Variants in RAB37 observed in about 807,000 individuals in gnomAD.
RAB37 encodes RAB37, member RAS oncogene family, also known as ras-related protein Rab-37.
Under a neutral mutation model 33.1 loss-of-function variants are expected in RAB37, and 29 were observed. The observed-to-expected ratio is 0.88, with a 90% CI of 0.65 to 1.20. The LOEUF (loss-of-function observed/expected upper bound fraction) is 1.20. Ranked by LOEUF, RAB37 falls within the 50% of genes most tolerant of loss-of-function variation. The pLI is 0.00. For synonymous variants in RAB37, 128 were observed against 119.5 expected (o/e 1.07, Z -0.47); for missense variants, 299 against 301.1 (o/e 0.99, Z 0.05).
At chr17:74,724,338 C>T (rs2034278803) in intron 1 of RAB37, among the ~76,000 whole-genome samples, 2 of 152,166 alleles carry the variant, frequency 1.3e-5, no homozygotes, top group African/African-American at 4.8e-5. Context: ...TTTGAGTTTC[C>T]AATGAGCCTT....
At chr17:74,710,966 G>A (rs1295967576) in intron 1 of RAB37, among the ~76,000 whole-genome samples, 1 of 152,094 alleles carries the variant, frequency 6.6e-6, no homozygotes, top group Non-Finnish European at 1.5e-5. Context: ...CTTGAGCCCA[G>A]GAGTTGAGGC....
chr17:74,727,562 G>A (rs1453351084), intron 1 of RAB37, among the ~76,000 whole-genome samples: 1 of 152,234 alleles, frequency 6.6e-6, no homozygotes, highest in Non-Finnish European at 1.5e-5. Context: ...TCCCTGCTGT[G>A]CTCCGCCTTT....
chr17:74,737,465 C>G (rs1353980945), intron 1 of RAB37, 100 bp downstream of exon 1: 2 of 1,309,980 alleles, frequency 1.5e-6, no homozygotes, highest in Non-Finnish European at 1.0e-6. Flanking sequence ...GCAGCTGCGT[C>G]TCCCAGAGGA....
intron 1 of RAB37, among the ~76,000 whole-genome samples, chr17:74,696,898 G>A (rs979473274): frequency 5.0e-5 from 7 of 141,094 alleles, no homozygotes; most frequent in South Asian, 2.3e-4. Context: ...AGTAGGGACC[G>A]ATTTTGTTTG....
At chr17:74,690,342 A>T (rs557734877) in intron 1 of RAB37, among the ~76,000 whole-genome samples, 36 of 152,296 alleles carry the variant, frequency 2.4e-4, no homozygotes, top group Non-Finnish European at 4.1e-4. Context: ...TTAGGCACTC[A>T]ATCAGGATTG....
chr17:74,712,774 T>A, intron 1 of RAB37: 1 of 1,607,088 alleles, frequency 6.2e-7, no homozygotes, highest in Non-Finnish European at 8.5e-7. Flanking sequence ...CTCAGCCACC[T>A]CCTCCTGCTT....
intron 1 of RAB37, among the ~76,000 whole-genome samples, chr17:74,702,436 GT>G (rs1443090106): frequency 6.6e-6 from 1 of 152,228 alleles, no homozygotes; most frequent in African/African-American, 2.4e-5. Context: ...ACATGGGGTG[GT>G]TGTAGGAAAG....
intron 1 of RAB37, among the ~76,000 whole-genome samples, chr17:74,689,690 T>C (rs879700776): frequency 6.6e-6 from 1 of 152,092 alleles, no homozygotes; most frequent in Non-Finnish European, 1.5e-5. Flanking sequence ...TCTAAAAAAT[T>C]TATTGGTACA....
intron 1 of RAB37, among the ~76,000 whole-genome samples, chr17:74,728,623 CTG>C (rs1160868573): frequency 2.0e-5 from 3 of 149,276 alleles, no homozygotes; most frequent in African/African-American, 5.0e-5. Context: ...GTGTGTGCCT[CTG>C]TATGCATCTG....
intron 1 of RAB37, chr17:74,704,607 T>C: frequency 6.2e-7 from 1 of 1,614,220 alleles, no homozygotes; most frequent in South Asian, 1.1e-5. Context: ...TTTTTCTGAT[T>C]GTCCTTGATG....
Position 74,745,359 on chromosome 17 carries a change from G to T in RAB37, c.620G>T (p.Arg207Leu). The T allele has an allele frequency of 6.2e-7, 1 of 1,614,092 alleles. No homozygotes were observed. The highest frequency in any genetic ancestry group is 1.3e-5 in the African/African-American group (1 of 75,050). The change falls in exon 9 of 9, where the codon CGA (arginine) becomes CTA (leucine). Residue 207 changes from arginine to leucine, a missense_variant. Transcript: ENST00000392613. This position sits in a 1 kb window ranked among gnomAD's most constrained non-coding sequence, Gnocchi z 4.5. ...HQADEPSFQI[R>L]DYVESQKKRS... ...GCGGATGAGCCCAGCTTCCAGATCC[G>T]AGACTATGTAGAGTCCCAGAAGAAG... is the stretch of plus-strand genomic sequence containing the variant.
Position 74,693,490 on chromosome 17 carries a change from T to C in RAB37, c.72+21832T>C, listed in dbSNP as rs147553174. 8.7e-3 allele frequency among the ~76,000 whole-genome samples: 1,322 copies of C among 152,198 alleles called. 23 individuals are homozygous for C. The highest frequency in any genetic ancestry group is 0.03 in the African/African-American group (1,266 of 41,530). ...GTTGCTGGGACGAGAATGGACTCCA[T>C]GGCAGAGAATGAAAGAGGAAGACCA... is the stretch of plus-strand genomic sequence containing the variant. On this transcript the variant is annotated intron_variant, in intron 1 of 7. Coordinates refer to the RAB37 transcript ENST00000340415.
At position 74,737,340 on chromosome 17, in the gene RAB37, G is replaced by A. The variant is rs1178446586; in HGVS notation, c.68G>A (p.Ser23Asn). The A allele has an allele frequency of 1.9e-6, 3 of 1,577,680 alleles. No individual in the cohort carries two copies. In the South Asian group the frequency reaches 3.4e-5, roughly 18 times the overall value. The change falls in exon 1 of 9, where the codon AGT becomes AAT. Residue 23 changes from serine (S) to asparagine (N), a missense_variant. Ser to Asn is a conservative substitution (Grantham distance 46, BLOSUM62 1). Coordinates refer to ENST00000392613, the MANE Select transcript of RAB37 (RefSeq NM_001006638.3). ...GCCCCCGAGCGCTCCCCGCCCTGCA[G>A]TCCGAGCTACGACCTCACGGGCAAG... ...GEAPERSPPC[S>N]PSYDLTGKVM...
intron 1 of RAB37, among the ~76,000 whole-genome samples, chr17:74,719,021 A>C (rs1320463731): frequency 6.6e-6 from 1 of 152,150 alleles, no homozygotes; most frequent in African/African-American, 2.4e-5. Flanking sequence ...CTGTGGAAAA[A>C]TCCCTGTATC....
chr17:74,713,560 C>T (rs189810866), intron 1 of RAB37, among the ~76,000 whole-genome samples: 5 of 152,094 alleles, frequency 3.3e-5, no homozygotes, highest in East Asian at 3.9e-4. Flanking sequence ...GGCAGGGGCA[C>T]GCGGCTCCAC....
chr17:74,726,170 G>A (rs568438605), intron 1 of RAB37, among the ~76,000 whole-genome samples: 3 of 151,166 alleles, frequency 2.0e-5, no homozygotes, highest in East Asian at 3.9e-4. Flanking sequence ...GGGAGGCAAA[G>A]GTTATTGTGA....
chr17:74,715,808 A>C (rs957259921), intron 1 of RAB37, among the ~76,000 whole-genome samples: 3 of 152,076 alleles, frequency 2.0e-5, no homozygotes, highest in Admixed American at 2.0e-4. Context: ...CAGGCGGATC[A>C]CCTGAGGTCA....
intron 1 of RAB37, among the ~76,000 whole-genome samples, chr17:74,693,686 T>C (rs2143512850): frequency 6.6e-6 from 1 of 152,252 alleles, no homozygotes; most frequent in Non-Finnish European, 1.5e-5. Flanking sequence ...CCCAGCACTT[T>C]GGGAGGTCGA....
chr17:74,744,529 TC>T lies in RAB37; in HGVS notation c.432+159del. The T allele has an allele frequency of 1.4e-6, 1 of 715,620 alleles. No homozygotes were observed. Among genetic ancestry groups the T allele is most frequent in the Non-Finnish European group, 2.4e-6 (1 of 417,490 alleles). 44.3% of individuals were successfully genotyped at this position (715,620 alleles called of 1,614,324 possible). A position where few individuals can be genotyped will look rare whatever the true frequency, so the allele number is the denominator to read the frequency against. Reference sequence around the variant, plus strand: ...AGACATATCTGGAGGCTTCTGCCCATCCCATCTGCCCCTTCCAGGGAAAGTC... The same window carrying T: ...AGACATATCTGGAGGCTTCTGCCCATCCATCTGCCCCTTCCAGGGAAAGTC... On this transcript the variant is annotated intron_variant, in intron 6 of 8. Transcript: ENST00000392613. The surrounding 1 kb of genome is among the most constrained non-coding windows in gnomAD (Gnocchi z 4.2).
Sources: allele counts gnomAD v4.1 joint callset (sites outside exome capture counted in the v4.1 genomes callset), GRCh38; gene constraint gnomAD v4.1.1; non-coding constraint Gnocchi (gnomAD v3.1); transcripts MANE v1.5; gene names NCBI Gene and HGNC (gene_info 2026-07-23, HGNC 2026-07-21).